The following LRMDA variants were observed in gnomAD, a reference collection of about 807,000 sequenced individuals.
The protein encoded by LRMDA is leucine-rich melanocyte differentiation-associated protein.
Under a neutral mutation model 29.8 loss-of-function variants are expected in LRMDA, and 18 were observed. That is an observed-to-expected ratio of 0.60 (90% CI 0.42 to 0.90). The LOEUF (loss-of-function observed/expected upper bound fraction) is 0.90. Ranked by LOEUF, LRMDA falls within the 40% of genes least tolerant of loss-of-function variation. LRMDA has a pLI of 0.00. For synonymous variants in LRMDA, 125 were observed against 109.4 expected (o/e 1.14, Z -0.89); for missense variants, 273 against 273.9 (o/e 1.00, Z 0.02).
At chr10:76,355,699 G>A (rs920066082) in intron 6 of LRMDA, among the ~76,000 whole-genome samples, 2 of 152,250 alleles carry the variant, frequency 1.3e-5, no homozygotes, top group African/African-American at 4.8e-5. Context: ...TTTTTTGTGT[G>A]GTGGAAAAAT....
intron 2 of LRMDA, among the ~76,000 whole-genome samples, chr10:75,916,310 C>T (rs1164403308): frequency 6.6e-6 from 1 of 152,120 alleles, no homozygotes; most frequent in Non-Finnish European, 1.5e-5. Context: ...GCAGGCAGGA[C>T]ATGCAGTGCC....
intron 5 of LRMDA, among the ~76,000 whole-genome samples, chr10:76,182,781 A>G (rs189942749): frequency 2.0e-5 from 3 of 152,322 alleles, no homozygotes; most frequent in African/African-American, 7.2e-5. Context: ...CTAAGTGTCT[A>G]AATGAAGAGT....
chr10:75,979,336 A>C (rs915910813), intron 2 of LRMDA, among the ~76,000 whole-genome samples: 1 of 152,222 alleles, frequency 6.6e-6, no homozygotes, highest in Non-Finnish European at 1.5e-5. Flanking sequence ...GTTAATCAGG[A>C]GAGTCTTAGA....
At chr10:75,498,894 G>C (rs1358469915) in intron 2 of LRMDA, among the ~76,000 whole-genome samples, 2 of 152,036 alleles carry the variant, frequency 1.3e-5, no homozygotes, top group Non-Finnish European at 1.5e-5. Flanking sequence ...AAGCCTAAAG[G>C]GGGAGTGAGT....
chr10:76,175,419 T>C (rs568329865), intron 5 of LRMDA, among the ~76,000 whole-genome samples: 23 of 152,326 alleles, frequency 1.5e-4, no homozygotes, highest in African/African-American at 5.3e-4. Context: ...GAGTAGCTCT[T>C]AGAATGATGC....
intron 2 of LRMDA, among the ~76,000 whole-genome samples, chr10:75,521,813 C>T (rs1410478321): frequency 6.6e-6 from 1 of 152,194 alleles, no homozygotes; most frequent in African/African-American, 2.4e-5. Flanking sequence ...GAGCTGCAGA[C>T]CAGAGCTGTT....
intron 2 of LRMDA, among the ~76,000 whole-genome samples, chr10:76,018,406 A>G (rs1037858552): frequency 6.6e-6 from 1 of 152,154 alleles, no homozygotes; most frequent in African/African-American, 2.4e-5. Context: ...CCACTGATCT[A>G]ATCCCTTCAA....
chr10:75,697,258 A>G (rs1384166256), intron 2 of LRMDA, among the ~76,000 whole-genome samples: 1 of 151,622 alleles, frequency 6.6e-6, no homozygotes, highest in Non-Finnish European at 1.5e-5. Context: ...TGACTTTCTA[A>G]TTTGTCTGTT....
chr10:75,897,629 A>G (rs1845604918), intron 2 of LRMDA, among the ~76,000 whole-genome samples: 1 of 152,174 alleles, frequency 6.6e-6, no homozygotes, highest in Admixed American at 6.5e-5. Context: ...TAAAGGGACT[A>G]AGAAATTTCT....
intron 2 of LRMDA, among the ~76,000 whole-genome samples, chr10:75,545,959 C>T (rs1840076752): frequency 6.6e-6 from 1 of 152,136 alleles, no homozygotes; most frequent in Non-Finnish European, 1.5e-5. Context: ...CTCACAGGAA[C>T]TCTGTTATGA....
intron 2 of LRMDA, among the ~76,000 whole-genome samples, chr10:75,707,398 A>G (rs1454911633): frequency 6.6e-6 from 1 of 152,194 alleles, no homozygotes; most frequent in African/African-American, 2.4e-5. Flanking sequence ...AGGAGCAATG[A>G]AAAGGGTGAT....
At chr10:75,550,136 T>A (rs1840124413) in intron 2 of LRMDA, among the ~76,000 whole-genome samples, 1 of 152,184 alleles carries the variant, frequency 6.6e-6, no homozygotes, top group Non-Finnish European at 1.5e-5. Context: ...TAGTGAATGT[T>A]CCATGGGCCC....
intron 4 of LRMDA, among the ~76,000 whole-genome samples, chr10:76,051,623 A>G (rs1166267296): frequency 1.3e-5 from 2 of 152,198 alleles, no homozygotes; most frequent in Non-Finnish European, 2.9e-5. Context: ...ACAAGAAAGG[A>G]CGACATGGAC....
intron 2 of LRMDA, among the ~76,000 whole-genome samples, chr10:76,021,011 C>A (rs1847966230): frequency 6.6e-6 from 1 of 152,118 alleles, no homozygotes; most frequent in Non-Finnish European, 1.5e-5. Flanking sequence ...GGAAAGGAGG[C>A]AGGATTGGGA....
intron 5 of LRMDA, among the ~76,000 whole-genome samples, chr10:76,249,857 C>T (rs1852441870): frequency 6.6e-6 from 1 of 152,160 alleles, no homozygotes; most frequent in Non-Finnish European, 1.5e-5. Flanking sequence ...GGCTGGAGTG[C>T]AATGGCATGA....
chr10:76,181,251 C>G (rs973557302), intron 5 of LRMDA, among the ~76,000 whole-genome samples: 1 of 152,180 alleles, frequency 6.6e-6, no homozygotes, highest in African/African-American at 2.4e-5. Context: ...AACCCAAAGC[C>G]TTGAGCTCAT....
At chr10:76,248,265 T>C (rs974642264) in intron 5 of LRMDA, among the ~76,000 whole-genome samples, 2 of 152,166 alleles carry the variant, frequency 1.3e-5, no homozygotes, top group African/African-American at 2.4e-5. Flanking sequence ...CACAGGACAG[T>C]CCCCACAACC....
At chr10:75,926,802 T>G (rs1846127726) in intron 2 of LRMDA, among the ~76,000 whole-genome samples, 1 of 152,216 alleles carries the variant, frequency 6.6e-6, no homozygotes, top group African/African-American at 2.4e-5. Context: ...GTGGGCTGTT[T>G]CCTGACACAG....
At chr10:75,962,507 T>C (rs1317290386) in intron 2 of LRMDA, among the ~76,000 whole-genome samples, 8 of 152,200 alleles carry the variant, frequency 5.3e-5, no homozygotes, top group Non-Finnish European at 1.0e-4. Flanking sequence ...CTGGACCAGA[T>C]GACCCTCTGG....
Sources: gnomAD v4.1 joint callset for allele counts (sites outside exome capture counted in the v4.1 genomes callset) on GRCh38, gnomAD v4.1.1 for gene constraint, MANE v1.5 for transcripts, NCBI Gene and HGNC (gene_info 2026-07-23, HGNC 2026-07-21) for gene names.